The following SLTM variants were observed in gnomAD, a reference collection of about 807,000 sequenced individuals.
SLTM encodes SAFB like transcription modulator, also known as SAFB-like transcription modulator.
A neutral mutation model predicts 134.6 loss-of-function variants in SLTM; 43 were observed. The ratio of observed to expected loss-of-function variants is 0.32; its 90% CI spans 0.25 to 0.41. SLTM has a LOEUF of 0.41. SLTM is among the 10% of genes least tolerant of loss of function. The pLI is 1.00. For missense variants in SLTM, 1,055 were observed against 1,288.8 expected (o/e 0.82, Z 2.78); for synonymous variants, 424 against 432.3 (o/e 0.98, Z 0.24).
At chr15:58,889,311 C>T in intron 16 of SLTM, 119 bp downstream of exon 16, 9 of 1,315,276 alleles carry the variant, frequency 6.8e-6, no homozygotes, top group Non-Finnish European at 9.5e-6. Flanking sequence ...TCCTTCCCAT[C>T]CCTGTTGATC....
intron 17 of SLTM, 111 bp downstream of exon 17, chr15:58,888,274 T>C (rs2034385789): frequency 1.2e-6 from 1 of 851,380 alleles, no homozygotes; most frequent in South Asian, 2.2e-5. Flanking sequence ...CCACGTAAAT[T>C]GTTCTGAGCA....
intron 2 of SLTM, among the ~76,000 whole-genome samples, chr15:58,925,027 G>A (rs1202405016): frequency 2.1e-5 from 3 of 144,628 alleles, no homozygotes; most frequent in Non-Finnish European, 4.5e-5. Context: ...CTTTATGGCT[G>A]AGTAACTTTT....
Position 58,883,636 on chromosome 15 carries a change from G to C in SLTM, c.2986C>G (p.Gln996Glu), listed in dbSNP as rs757086138. 6 of 1,614,046 alleles carry C rather than the reference G, an allele frequency of 3.7e-6. No individual in the cohort carries two copies. The highest frequency in any genetic ancestry group is 5.1e-6 in the Non-Finnish European group (6 of 1,179,974). Residue 996 changes from glutamine (Q) to glutamate (E), a missense_variant, in exon 20 of 21, where the codon CAA becomes GAA. This residue lies in a region of SLTM where 776 missense variants were observed against 962.2 expected (regional missense o/e 0.81). Coordinates refer to ENST00000380516, the MANE Select transcript of SLTM (RefSeq NM_024755.4). ...TGGTTAGTTATTTACCTTGAATGTT[G>C]GGTTATCATGCCTGCTCCTGCCCGG... ...DGRAGAGMITQHSSNASPINR... is the reference protein window; with the variant it reads ...DGRAGAGMITEHSSNASPINR...
At chr15:58,931,404 A>G (rs1450320416) in intron 2 of SLTM, among the ~76,000 whole-genome samples, 1 of 152,304 alleles carries the variant, frequency 6.6e-6, no homozygotes, top group East Asian at 1.9e-4. Context: ...TCCCTTTTCA[A>G]TATTAATCCA....
chr15:58,897,326 G>C, intron 8 of SLTM, 93 bp from the exon 9 acceptor site: 1 of 718,638 alleles, frequency 1.4e-6, no homozygotes, highest in African/African-American at 1.8e-5. Context: ...CTATAATTTT[G>C]ATAGTATGAC....
chr15:58,898,797 C>A lies in SLTM; in HGVS notation c.1108+6G>T, dbSNP rs4398051. 61,443 of 1,597,542 alleles carry A rather than the reference C, an allele frequency of 0.038. 1,392 individuals are homozygous for A. Among genetic ancestry groups the A allele is most frequent in the Non-Finnish European group, 0.047 (55,125 of 1,169,582 alleles). The stretch of plus-strand genomic sequence containing the variant: ...ACTGAAATAAATAGGGAAAAAAATT[C>A]TTTACCTTTGTCATCTTTAGATGAT... On this transcript the variant is annotated splice_donor_region_variant and intron_variant, in intron 8 of 20. Coordinates refer to ENST00000380516, the MANE Select transcript of SLTM (RefSeq NM_024755.4).
intron 12 of SLTM, 51 bp downstream of exon 12, chr15:58,893,766 TAAAA>T (rs2034849782): frequency 6.5e-7 from 1 of 1,530,144 alleles, no homozygotes; most frequent in African/African-American, 1.4e-5. Context: ...CCTTCCACTG[TAAAA>T]ATTAAGTAGT....
intron 20 of SLTM, among the ~76,000 whole-genome samples, chr15:58,882,320 CA>C (rs2033802296): frequency 6.6e-6 from 1 of 151,774 alleles, no homozygotes; most frequent in Non-Finnish European, 1.5e-5. Context: ...AAAAGGGACA[CA>C]AAGGTTTGAA....
At chr15:58,923,465 A>C (rs1595936912) in intron 2 of SLTM, among the ~76,000 whole-genome samples, 1 of 152,182 alleles carries the variant, frequency 6.6e-6, no homozygotes, top group Non-Finnish European at 1.5e-5. Context: ...AGTTCAACTA[A>C]CTTTGTGTGT....
At position 58,879,962 on chromosome 15, in the gene SLTM, A is replaced by C; in HGVS notation, c.*37T>G. On this transcript the variant is annotated 3_prime_UTR_variant, in exon 21 of 21. Transcript: ENST00000380516. ...TCAAGTAAAGTTTACAGGAGATTTC[A>C]ATAAATTATCTTAAAACCTTGGCAG... 6.2e-7 allele frequency: 1 copy of C among 1,604,158 alleles called. No individual in the cohort carries two copies. The highest frequency in any genetic ancestry group is 8.5e-7 in the Non-Finnish European group (1 of 1,174,294).
chr15:58,927,802 T>C (rs1371371714), intron 2 of SLTM, among the ~76,000 whole-genome samples: 7 of 152,222 alleles, frequency 4.6e-5, no homozygotes, highest in Admixed American at 3.3e-4. Flanking sequence ...ACAGTTCTGA[T>C]TAAAGTGTTA....
At chr15:58,925,142 T>A (rs373123085) in intron 2 of SLTM, among the ~76,000 whole-genome samples, 119 of 151,410 alleles carry the variant, frequency 7.9e-4, no homozygotes, top group African/African-American at 2.7e-3. Context: ...TAAGAAGATA[T>A]GCCAAACTGA....
At chr15:58,913,357 G>A in intron 4 of SLTM, 142 bp downstream of exon 4, 3 of 604,396 alleles carry the variant, frequency 5.0e-6, no homozygotes, top group Non-Finnish European at 7.9e-6. Context: ...AAGGTGGTAG[G>A]ATTTTAGATG....
At chr15:58,898,464 A>G (rs2035249081) in intron 8 of SLTM, 1 of 182,046 alleles carries the variant, frequency 5.5e-6, no homozygotes, top group East Asian at 1.8e-4. Flanking sequence ...CACAGTAGTT[A>G]TAAATGAGTA....
intron 3 of SLTM, among the ~76,000 whole-genome samples, chr15:58,916,117 G>A (rs1424400975): frequency 5.3e-5 from 8 of 151,728 alleles, no homozygotes; most frequent in Non-Finnish European, 1.0e-4. Flanking sequence ...GGCCCCAAAA[G>A]GCCTAGCTTA....
At chr15:58,910,577 T>C (rs890538818) in intron 5 of SLTM, among the ~76,000 whole-genome samples, 3 of 152,194 alleles carry the variant, frequency 2.0e-5, no homozygotes, top group Non-Finnish European at 2.9e-5. Flanking sequence ...TCCTTAGCTA[T>C]GATGCCTTCA....
chr15:58,913,815 C>A, intron 3 of SLTM, 119 bp from the exon 4 acceptor site: 1 of 726,056 alleles, frequency 1.4e-6, no homozygotes, highest in Non-Finnish European at 2.3e-6. Context: ...TTAATATTCC[C>A]AAAGTTCATT....
intron 20 of SLTM, among the ~76,000 whole-genome samples, chr15:58,881,481 A>G (rs866035361): frequency 2.0e-5 from 3 of 151,756 alleles, no homozygotes; most frequent in Admixed American, 1.3e-4. Context: ...GAGCTGAGAT[A>G]GTGCCACTGC....
At chr15:58,908,812 C>CAA (rs1322410800) in intron 5 of SLTM, among the ~76,000 whole-genome samples, 1 of 151,998 alleles carries the variant, frequency 6.6e-6, no homozygotes, top group African/African-American at 2.4e-5. Flanking sequence ...AACACCCTTG[C>CAA]AAAAAATATG....
Sources: allele counts gnomAD v4.1 joint callset (sites outside exome capture counted in the v4.1 genomes callset), GRCh38; gene constraint gnomAD v4.1.1; regional missense constraint gnomAD v4.1.1; transcripts MANE v1.5; gene names NCBI Gene and HGNC (gene_info 2026-07-23, HGNC 2026-07-21).